MS4A10: variants seen among roughly 807,000 people sequenced by gnomAD.
MS4A10 encodes the protein membrane spanning 4-domains A10.
In MS4A10, 27 loss-of-function variants were observed where a neutral mutation model predicts 27.7. That is an observed-to-expected ratio of 0.98 (90% CI 0.72 to 1.35). The LOEUF (loss-of-function observed/expected upper bound fraction) is 1.35, where lower values mean the gene tolerates loss of function less well. Ranked by LOEUF, MS4A10 falls within the 40% of genes most tolerant of loss-of-function variation. MS4A10 has a pLI of 0.00. For missense variants in MS4A10, 338 were observed against 324.7 expected (o/e 1.04, Z -0.32); for synonymous variants, 139 against 131.2 (o/e 1.06, Z -0.41).
intron 7 of MS4A10, among the ~76,000 whole-genome samples, chr11:60,799,131 A>G (rs1264601565): frequency 6.6e-6 from 1 of 152,142 alleles, no homozygotes; most frequent in Non-Finnish European, 1.5e-5. Flanking sequence ...CAGTGTCTCC[A>G]TCTGTAAAGT....
chr11:60,796,454 T>C, intron 6 of MS4A10, among the ~76,000 whole-genome samples: 1 of 152,114 alleles, frequency 6.6e-6, no homozygotes, highest in East Asian at 1.9e-4. Context: ...GGCTAATTTT[T>C]GTATTTTTTT....
At chr11:60,791,768 A>T (rs974263657) in intron 3 of MS4A10, among the ~76,000 whole-genome samples, 3 of 152,234 alleles carry the variant, frequency 2.0e-5, no homozygotes, top group Non-Finnish European at 4.4e-5. Context: ...CCACACATGC[A>T]GTGCTTATTC....
chr11:60,793,755 G>T (rs897899046), intron 4 of MS4A10, among the ~76,000 whole-genome samples: 11 of 152,194 alleles, frequency 7.2e-5, no homozygotes, highest in Admixed American at 3.9e-4. Context: ...GAAGGCAAGG[G>T]CCAGCTGGAC....
chr11:60,800,792 T>A lies in MS4A10; in HGVS notation c.*883T>A, dbSNP rs1854621096. 3.0e-5 allele frequency: 2 copies of A among 66,928 alleles called. No homozygotes were observed. Among genetic ancestry groups the A allele is most frequent in the Non-Finnish European group, 5.6e-5 (2 of 35,652 alleles). The allele number at this position is 66,928 out of a possible 1,614,324, so 4.1% of individuals were successfully genotyped here. A position where few individuals can be genotyped will look rare whatever the true frequency, so the allele number is the denominator to read the frequency against. ...AGGACAACCCAGTCTTTCTTTTTTTTTTTTTTTTTTTTTTTTTTTGAGACG... is the reference window on the plus strand; with the variant it reads ...AGGACAACCCAGTCTTTCTTTTTTTATTTTTTTTTTTTTTTTTTTGAGACG... On this transcript the variant is annotated 3_prime_UTR_variant, in exon 8 of 8. Transcript: ENST00000308287.
intron 3 of MS4A10, among the ~76,000 whole-genome samples, chr11:60,791,849 C>T (rs1181478261): frequency 6.6e-6 from 1 of 152,216 alleles, no homozygotes; most frequent in African/African-American, 2.4e-5. Context: ...TGCAGAGGTG[C>T]TCCCAGAGAC....
chr11:60,787,073 C>T (rs759382954), intron 1 of MS4A10, among the ~76,000 whole-genome samples: 5 of 152,146 alleles, frequency 3.3e-5, no homozygotes, highest in African/African-American at 1.2e-4. Flanking sequence ...TCCCTCCACT[C>T]CCAGAACTGA....
chr11:60,796,264 T>C (rs1475251889), intron 6 of MS4A10, among the ~76,000 whole-genome samples: 2 of 152,146 alleles, frequency 1.3e-5, no homozygotes, highest in East Asian at 3.9e-4. Flanking sequence ...AATATAGCTG[T>C]ATTTAACTTT....
intron 1 of MS4A10, among the ~76,000 whole-genome samples, chr11:60,787,449 C>T (rs1391891609): frequency 6.6e-6 from 1 of 152,166 alleles, no homozygotes; most frequent in African/African-American, 2.4e-5. Context: ...AAGGTCTGCC[C>T]TCTGCAACTC....
Position 60,794,083 on chromosome 11 carries a change from A to G in MS4A10, c.472A>G (p.Arg158Gly), listed in dbSNP as rs1311060871. ...GAGCCCATTTGAGTCCCCGATCTGG[A>G]GAATGTACCCCAACTCCACGGTGAG... The part of the protein sequence containing the change: ...LESPFESPIW[R>G]MYPNSTVHIQ... The change falls in exon 5 of 8, where the codon AGA becomes GGA. Residue 158 changes from arginine (R) to glycine (G), a missense_variant. Physicochemically the swap from Arg to Gly is moderately radical, Grantham distance 125. Coordinates refer to ENST00000308287, the MANE Select transcript of MS4A10 (RefSeq NM_206893.4). The G allele has an allele frequency of 2.5e-6, 4 of 1,614,128 alleles. No individual in the cohort carries two copies. Among genetic ancestry groups the G allele is most frequent in the Non-Finnish European group, 3.4e-6 (4 of 1,180,028 alleles).
In MS4A10 at chr11:60,793,981, T is replaced by C. The variant is rs1590998963; in HGVS notation, c.370T>C (p.Cys124Arg). The C allele has an allele frequency of 6.2e-7, 1 of 1,614,074 alleles. No individual in the cohort carries two copies. The highest frequency in any genetic ancestry group is 2.2e-5 in the East Asian group (1 of 44,878). ...TFSKTYLKML[C>R]LMTNLISLFC... ...TATTTTTCACCTATAGAAGATGTTG[T>C]GCCTGATGACAAACCTCATCAGCCT... Residue 124 changes from cysteine to arginine, a missense_variant, in exon 5 of 8, where the codon TGC becomes CGC. Coordinates refer to ENST00000308287, the MANE Select transcript of MS4A10 (RefSeq NM_206893.4).
rs150159501 is a variant in MS4A10 at position 60,796,741 on chromosome 11, C to T, written c.603+1076C>T. 1.4e-3 allele frequency among the ~76,000 whole-genome samples: 214 copies of T among 152,250 alleles called. 1 individual carries two copies. The highest frequency in any genetic ancestry group is 5.0e-3 in the African/African-American group (208 of 41,548). On this transcript the variant is annotated intron_variant, in intron 6 of 7. Transcript: ENST00000308287. ...ACCCACAGTCTTGCCCTTGTCTACC[C>T]ATGGGGATGGCATAGGGCTAGATAT...
intron 6 of MS4A10, 42 bp downstream of exon 6, chr11:60,795,707 G>A (rs1018434133): frequency 2.3e-6 from 3 of 1,319,088 alleles, no homozygotes; most frequent in East Asian, 2.6e-5. Context: ...AAAAAATGGG[G>A]GCATGAGGCA....
Position 60,800,089 on chromosome 11 carries a change from C to A in MS4A10, c.*180C>A. On this transcript the variant is annotated 3_prime_UTR_variant, in exon 8 of 8. Transcript: ENST00000308287. ...GTCCTCTCAGATAAGCCATTTCTTA[C>A]ATAGTTGATGGCTCGATATCTGTGG... is the stretch of plus-strand genomic sequence containing the variant. 1 of 821,260 alleles carries A rather than the reference C, an allele frequency of 1.2e-6. No individual in the cohort carries two copies. The highest frequency in any genetic ancestry group is 1.9e-6 in the Non-Finnish European group (1 of 524,296). 50.9% of individuals were successfully genotyped at this position (821,260 alleles called of 1,614,324 possible). A position where few individuals can be genotyped will look rare whatever the true frequency, so the allele number is the denominator to read the frequency against.
At chr11:60,799,519 G>A (rs1008839247) in intron 7 of MS4A10, among the ~76,000 whole-genome samples, 2 of 151,984 alleles carry the variant, frequency 1.3e-5, no homozygotes, top group Non-Finnish European at 2.9e-5. Flanking sequence ...GAAATAAAAC[G>A]CAATTTTCCC....
chr11:60,786,979 A>G (rs1854350606), intron 1 of MS4A10, among the ~76,000 whole-genome samples: 1 of 152,204 alleles, frequency 6.6e-6, no homozygotes, highest in South Asian at 2.1e-4. Flanking sequence ...ATTCTAGCTG[A>G]CAACTTCCAG....
chr11:60,796,766 T>A (rs1424106244), intron 6 of MS4A10, among the ~76,000 whole-genome samples: 2 of 152,140 alleles, frequency 1.3e-5, no homozygotes, highest in African/African-American at 4.8e-5. Flanking sequence ...GGGCTAGATA[T>A]ATTTTAAAAT....
intron 4 of MS4A10, 124 bp from the exon 5 acceptor site, chr11:60,793,848 G>T: frequency 9.1e-7 from 1 of 1,096,098 alleles, no homozygotes; most frequent in Non-Finnish European, 1.3e-6. Context: ...AGGGGGCCTT[G>T]GGCCCAGTGA....
chr11:60,786,011 T>C (rs1011715515), intron 1 of MS4A10, among the ~76,000 whole-genome samples: 2 of 151,998 alleles, frequency 1.3e-5, no homozygotes, highest in African/African-American at 4.8e-5. Flanking sequence ...AGTACAGTCG[T>C]AGGTGGTTTT....
intron 1 of MS4A10, 105 bp from the exon 2 acceptor site, chr11:60,790,209 C>T: frequency 1.0e-6 from 1 of 967,982 alleles, no homozygotes; most frequent in Non-Finnish European, 1.6e-6. Flanking sequence ...AACCACAGTT[C>T]TGGAAAGATC....
Sources: allele counts gnomAD v4.1 joint callset (sites outside exome capture counted in the v4.1 genomes callset), GRCh38; gene constraint gnomAD v4.1.1; transcripts MANE v1.5; gene names NCBI Gene and HGNC (gene_info 2026-07-23, HGNC 2026-07-21).